The following STARD13 variants were observed in gnomAD, a reference collection of about 807,000 sequenced individuals.
STARD13 encodes stAR-related lipid transfer protein 13.
Under a neutral mutation model 106.4 loss-of-function variants are expected in STARD13, and 62 were observed. The observed-to-expected ratio is 0.58, with a 90% CI of 0.48 to 0.72. The LOEUF is 0.72. STARD13 is among the 30% of genes least tolerant of loss of function. The pLI is 0.00. For missense variants in STARD13, 1,387 were observed against 1,424.0 expected (o/e 0.97, Z 0.42); for synonymous variants, 565 against 553.0 (o/e 1.02, Z -0.31).
At chr13:33,385,940 T>G in the STARD13 span, among the ~76,000 whole-genome samples, 4 of 151,740 alleles carry the variant, frequency 2.6e-5, no homozygotes, top group East Asian at 7.7e-4. Context: ...TGAGTCAAAT[T>G]GAGTAATAAG....
intron 1 of STARD13, among the ~76,000 whole-genome samples, chr13:33,225,753 TA>T (rs5802674): frequency 0.021 from 3,064 of 148,726 alleles, 41 homozygotes; most frequent in Admixed American, 0.031. Flanking sequence ...TTTCCTTAAT[TA>T]AAAAAAAAAC....
At chr13:33,372,119 A>G in the STARD13 span, among the ~76,000 whole-genome samples, 304 of 152,356 alleles carry the variant, frequency 2.0e-3, 1 homozygote, top group Non-Finnish European at 2.7e-3. Flanking sequence ...GCCAGAAAAA[A>G]GTTTAAAGTA....
At chr13:33,336,478 G>A (rs967711993) in intron 1 of STARD13, 4 of 152,324 alleles carry the variant, frequency 2.6e-5, no homozygotes, top group Admixed American at 2.0e-4. Flanking sequence ...TGCTGGCCAT[G>A]TTCGGTGGCT....
intron 1 of STARD13, among the ~76,000 whole-genome samples, chr13:33,210,375 C>A (rs1887653615): frequency 2.0e-5 from 3 of 152,194 alleles, no homozygotes. Context: ...AATAAAAAAA[C>A]TGCACTTAAT....
At chr13:33,499,511 C>CTTCTTCTTCTTTCT in the STARD13 span, among the ~76,000 whole-genome samples, 96 of 69,156 alleles carry the variant, frequency 1.4e-3, 5 homozygotes, top group African/African-American at 2.4e-3. Context: ...TCTTCTTCTT[C>CTTCTTCTTCTTTCT]TTCTTTCTTT....
the STARD13 span, among the ~76,000 whole-genome samples, chr13:33,597,390 C>CT: frequency 3.8e-4 from 56 of 147,440 alleles, no homozygotes; most frequent in South Asian, 1.5e-3. Context: ...TTGGGTTTCT[C>CT]TTTTTTTTTT....
intron 1 of STARD13, among the ~76,000 whole-genome samples, chr13:33,315,467 A>G (rs1478360712): frequency 6.6e-6 from 1 of 152,166 alleles, no homozygotes; most frequent in Admixed American, 6.5e-5. Context: ...TTCTTTAGGG[A>G]CATTTGAATG....
chr13:33,663,723 A>G, the STARD13 span, among the ~76,000 whole-genome samples: 600 of 152,272 alleles, frequency 3.9e-3, 2 homozygotes, highest in Middle Eastern at 0.01. Flanking sequence ...TCAGAAAAAA[A>G]TAGACACTGA....
intron 7 of STARD13, among the ~76,000 whole-genome samples, chr13:33,120,742 A>G (rs1172556647): frequency 6.6e-6 from 1 of 151,958 alleles, no homozygotes; most frequent in African/African-American, 2.4e-5. Context: ...TGAGCTGATG[A>G]TTGAGCTAAC....
chr13:33,451,963 A>G, the STARD13 span, among the ~76,000 whole-genome samples: 1 of 152,238 alleles, frequency 6.6e-6, no homozygotes, highest in African/African-American at 2.4e-5. Flanking sequence ...AGAATAAAAT[A>G]AATTAAGGAA....
chr13:33,617,358 G>C, the STARD13 span, among the ~76,000 whole-genome samples: 2 of 152,140 alleles, frequency 1.3e-5, no homozygotes, highest in South Asian at 4.1e-4. Context: ...GCAAAGAGGT[G>C]ATATCTGAGA....
At chr13:33,265,357 T>C (rs1374240327) in intron 1 of STARD13, among the ~76,000 whole-genome samples, 2 of 152,210 alleles carry the variant, frequency 1.3e-5, no homozygotes, top group African/African-American at 4.8e-5. Context: ...GAAAATCTCC[T>C]TCTTGCTAAG....
chr13:33,556,058 A>G, the STARD13 span, among the ~76,000 whole-genome samples: 1 of 152,350 alleles, frequency 6.6e-6, no homozygotes, highest in Middle Eastern at 3.4e-3. Flanking sequence ...AACACACAAA[A>G]GTTAATGCTG....
chr13:33,646,138 G>A, the STARD13 span, among the ~76,000 whole-genome samples: 1 of 152,152 alleles, frequency 6.6e-6, no homozygotes, highest in Non-Finnish European at 1.5e-5. Flanking sequence ...CATACTCAGA[G>A]AGCATGTCCC....
the STARD13 span, among the ~76,000 whole-genome samples, chr13:33,447,831 T>C: frequency 1.3e-5 from 2 of 152,104 alleles, no homozygotes; most frequent in Non-Finnish European, 2.9e-5. Flanking sequence ...TCAGAATTCT[T>C]TAATTCTGAA....
At chr13:33,374,162 A>G in the STARD13 span, among the ~76,000 whole-genome samples, 4 of 152,202 alleles carry the variant, frequency 2.6e-5, no homozygotes, top group Non-Finnish European at 5.9e-5. Context: ...TGAAGACATT[A>G]TACTAAGTGA....
the STARD13 span, among the ~76,000 whole-genome samples, chr13:33,608,012 C>G: frequency 6.6e-6 from 1 of 152,128 alleles, no homozygotes; most frequent in African/African-American, 2.4e-5. Flanking sequence ...TGGGCTCAAG[C>G]GATCCTCCCA....
chr13:33,170,049 CA>C (rs61561776), intron 1 of STARD13, among the ~76,000 whole-genome samples: 108,173 of 151,480 alleles, frequency 0.71, 38,722 homozygotes, highest in South Asian at 0.79. Context: ...TTAATGGGTA[CA>C]AAAAAAAATT....
chr13:33,218,720 A>G (rs963820331), intron 1 of STARD13, among the ~76,000 whole-genome samples: 7 of 152,242 alleles, frequency 4.6e-5, no homozygotes, highest in Admixed American at 2.0e-4. Context: ...GCAGAGTACT[A>G]TATAAATTCA....
Sources: gnomAD v4.1 joint callset for allele counts (sites outside exome capture counted in the v4.1 genomes callset) on GRCh38, gnomAD v4.1.1 for gene constraint, MANE v1.5 for transcripts, NCBI Gene and HGNC (gene_info 2026-07-23, HGNC 2026-07-21) for gene names.